ASTN2: variants seen among roughly 807,000 people sequenced by gnomAD.
ASTN2 encodes the protein astrotactin 2.
Under a neutral mutation model 139.8 loss-of-function variants are expected in ASTN2, and 54 were observed. The ratio of observed to expected loss-of-function variants is 0.39; its 90% confidence interval spans 0.31 to 0.48. ASTN2 has a LOEUF of 0.48. Ranked by LOEUF, ASTN2 falls within the 20% of genes least tolerant of loss-of-function variation. ASTN2 has a pLI of 0.95. For missense variants in ASTN2, 1,565 were observed against 1,725.1 expected (o/e 0.91, Z 1.64); for synonymous variants, 756 against 719.5 (o/e 1.05, Z -0.81).
At chr9:117,180,991 A>G in intron 3 of ASTN2, 1 of 1,596,694 alleles carries the variant, frequency 6.3e-7, no homozygotes, top group Non-Finnish European at 8.5e-7. Context: ...GGGCTTTCCA[A>G]AGGCACCTCG....
At chr9:117,227,376 T>C (rs79256940) in intron 2 of ASTN2, among the ~76,000 whole-genome samples, 11,265 of 152,308 alleles carry the variant, frequency 0.074, 867 homozygotes, top group African/African-American at 0.2. Flanking sequence ...TTTTGTTTTG[T>C]TCATTACTGT....
At chr9:117,397,756 A>C (rs970012411) in intron 1 of ASTN2, among the ~76,000 whole-genome samples, 1 of 152,222 alleles carries the variant, frequency 6.6e-6, no homozygotes, top group African/African-American at 2.4e-5. Flanking sequence ...AATGGCTTCA[A>C]AAACAAGGAT....
At chr9:117,372,310 G>A (rs1421611615) in intron 1 of ASTN2, among the ~76,000 whole-genome samples, 1 of 152,136 alleles carries the variant, frequency 6.6e-6, no homozygotes, top group Non-Finnish European at 1.5e-5. Flanking sequence ...GAAGAAGGAA[G>A]AAGGAGCCTA....
chr9:117,383,755 C>T (rs971418872), intron 1 of ASTN2, among the ~76,000 whole-genome samples: 11 of 152,226 alleles, frequency 7.2e-5, no homozygotes, highest in Admixed American at 1.3e-4. Flanking sequence ...TCCAAAAGCT[C>T]CAGCTCAGAA....
At chr9:116,942,650 G>A (rs1000566410) in intron 10 of ASTN2, among the ~76,000 whole-genome samples, 1 of 152,226 alleles carries the variant, frequency 6.6e-6, no homozygotes. Context: ...TGAAAGGAAC[G>A]GATCGTGAGG....
intron 1 of ASTN2, among the ~76,000 whole-genome samples, chr9:117,333,976 C>A (rs1277387175): frequency 6.6e-6 from 1 of 152,164 alleles, no homozygotes; most frequent in Non-Finnish European, 1.5e-5. Context: ...GGCTGCAGAA[C>A]CTGGTTTCAC....
At chr9:117,054,554 A>C (rs1839002975) in intron 5 of ASTN2, among the ~76,000 whole-genome samples, 1 of 152,208 alleles carries the variant, frequency 6.6e-6, no homozygotes, top group Non-Finnish European at 1.5e-5. Context: ...ATCCAGATTC[A>C]GGGGTCATAG....
chr9:116,486,943 C>A (rs1419000378), intron 20 of ASTN2, among the ~76,000 whole-genome samples: 2 of 151,984 alleles, frequency 1.3e-5, no homozygotes, highest in Non-Finnish European at 2.9e-5. Context: ...ATGCGTATTT[C>A]AGTCTGTATG....
chr9:116,975,139 G>A (rs1164652684), intron 10 of ASTN2, 69 bp downstream of exon 10: 35 of 1,455,940 alleles, frequency 2.4e-5, no homozygotes, highest in Non-Finnish European at 3.0e-5. Flanking sequence ...GGTTCCTGTG[G>A]TTCTCCAACA....
At chr9:116,639,882 T>A (rs1400846328) in intron 17 of ASTN2, among the ~76,000 whole-genome samples, 1 of 152,176 alleles carries the variant, frequency 6.6e-6, no homozygotes, top group African/African-American at 2.4e-5. Context: ...TGAAAGAGTG[T>A]CAGTGCAAGC....
chr9:116,541,055 G>A (rs1345455594), intron 19 of ASTN2, among the ~76,000 whole-genome samples: 1 of 151,632 alleles, frequency 6.6e-6, no homozygotes, highest in Non-Finnish European at 1.5e-5. Flanking sequence ...ACTATATAAG[G>A]AATGGACATT....
At chr9:116,894,269 A>G (rs1276457820) in intron 10 of ASTN2, among the ~76,000 whole-genome samples, 1 of 152,152 alleles carries the variant, frequency 6.6e-6, no homozygotes, top group African/African-American at 2.4e-5. Context: ...GACAGGGTGG[A>G]TGGTAATTGA....
intron 10 of ASTN2, among the ~76,000 whole-genome samples, chr9:116,875,937 A>G (rs1833284678): frequency 6.6e-6 from 1 of 152,254 alleles, no homozygotes. Flanking sequence ...GTTTTCATGC[A>G]TTCTAACACA....
chr9:116,872,810 G>T (rs938887875), intron 10 of ASTN2, among the ~76,000 whole-genome samples: 5 of 152,108 alleles, frequency 3.3e-5, no homozygotes, highest in Non-Finnish European at 7.4e-5. Flanking sequence ...GTAGGAGATA[G>T]AATACCCTGA....
intron 1 of ASTN2, among the ~76,000 whole-genome samples, chr9:117,413,075 C>T (rs1289965834): frequency 6.6e-6 from 1 of 152,208 alleles, no homozygotes; most frequent in Non-Finnish European, 1.5e-5. Flanking sequence ...CAGGTTACAG[C>T]CTGCGAGGGT....
intron 13 of ASTN2, among the ~76,000 whole-genome samples, chr9:116,770,495 C>T (rs536177002): frequency 6.6e-6 from 1 of 152,244 alleles, no homozygotes; most frequent in Admixed American, 6.5e-5. Context: ...AACCCAGGTC[C>T]CAGAAAGGTG....
At position 116,676,044 on chromosome 9, in the gene ASTN2, G is replaced by T. The variant is rs554497902; in HGVS notation, c.2807-24251C>A. 3.3e-5 allele frequency among the ~76,000 whole-genome samples: 5 copies of T among 152,146 alleles called. No individual in the cohort carries two copies. In the East Asian group the frequency reaches 9.6e-4, roughly 29 times the overall value. On this transcript the variant is annotated intron_variant, in intron 16 of 22. Coordinates refer to ENST00000313400, the MANE Select transcript of ASTN2 (RefSeq NM_001365068.1). Reference sequence around the variant, plus strand: ...GCAGCATTTGCAAATTAAGAATCTTGTCTATGGTTCCATAAAACAGTAAAG... The same window carrying T: ...GCAGCATTTGCAAATTAAGAATCTTTTCTATGGTTCCATAAAACAGTAAAG...
intron 13 of ASTN2, among the ~76,000 whole-genome samples, chr9:116,800,367 C>A (rs142375895): frequency 1.3e-5 from 2 of 152,290 alleles, no homozygotes; most frequent in Non-Finnish European, 2.9e-5. Flanking sequence ...CTTGCCCTGT[C>A]TTTATCTTTC....
intron 22 of ASTN2, among the ~76,000 whole-genome samples, chr9:116,434,181 A>G (rs1242260033): frequency 6.6e-6 from 1 of 152,210 alleles, no homozygotes; most frequent in Non-Finnish European, 1.5e-5. Context: ...CAGCCATTCA[A>G]GAAAAGAGGA....
Sources: gnomAD v4.1 joint callset for allele counts (sites outside exome capture counted in the v4.1 genomes callset) on GRCh38, gnomAD v4.1.1 for gene constraint, MANE v1.5 for transcripts, NCBI Gene and HGNC (gene_info 2026-07-23, HGNC 2026-07-21) for gene names.